Variants in SEC22B observed in about 807,000 individuals in gnomAD.
The protein encoded by SEC22B is vesicle-trafficking protein SEC22b.
In SEC22B, 10 loss-of-function variants were observed where a neutral mutation model predicts 31.4. That is an observed-to-expected ratio of 0.32 (90% CI 0.20 to 0.54). SEC22B has a LOEUF of 0.54. SEC22B is among the 20% of genes least tolerant of loss of function. The pLI, the probability that SEC22B is intolerant of heterozygous loss-of-function variation, is 0.94. For missense variants in SEC22B, 130 were observed against 263.4 expected, an observed-to-expected ratio of 0.49 and a Z score of 3.50; for synonymous variants, 60 against 95.9, an observed-to-expected ratio of 0.63 and a Z score of 2.19.
rs1553229090 is a variant in SEC22B, at chr1:120,154,211, C to A, written c.*2827G>T. On this transcript the variant is annotated 3_prime_UTR_variant, in exon 5 of 5. Coordinates refer to ENST00000578049, the MANE Select transcript of SEC22B (RefSeq NM_004892.6). ...ACATTCTTTGGTATTTATTTGACCT[C>A]TTGGTGGTAATATAGCGTAAGAGCA... is the stretch of plus-strand genomic sequence containing the variant. 2 of 152,020 alleles carry A rather than the reference C, an allele frequency of 1.3e-5. No homozygotes were observed. The highest frequency in any genetic ancestry group is 2.1e-4 in the South Asian group (1 of 4,816). 9.4% of individuals were successfully genotyped at this position (152,020 alleles called of 1,614,324 possible).
chr1:120,162,991 C>T (rs1238073140), intron 3 of SEC22B, among the ~76,000 whole-genome samples: 1 of 152,010 alleles, frequency 6.6e-6, no homozygotes, highest in Non-Finnish European at 1.5e-5. Context: ...GCAACAATTT[C>T]TATGGGGGAA....
chr1:120,160,909 A>C (rs1487618503), intron 3 of SEC22B, among the ~76,000 whole-genome samples: 1 of 140,174 alleles, frequency 7.1e-6, no homozygotes, highest in Admixed American at 6.9e-5. Context: ...AAAAAAAAAA[A>C]ACCAAAACAG....
At chr1:120,176,178 C>T (rs1657958070) in intron 1 of SEC22B, 129 bp downstream of exon 1, 1 of 733,930 alleles carries the variant, frequency 1.4e-6, no homozygotes, top group Non-Finnish European at 2.3e-6. Context: ...AAGATAAAAG[C>T]GCACTTCAGA....
intron 2 of SEC22B, among the ~76,000 whole-genome samples, chr1:120,164,639 A>G (rs1465316679): frequency 1.3e-5 from 2 of 152,362 alleles, no homozygotes; most frequent in African/African-American, 2.4e-5. Context: ...CATACTGTAT[A>G]TATACTACAT....
At chr1:120,165,112 TACTTAAG>T (rs1283881346) in intron 2 of SEC22B, among the ~76,000 whole-genome samples, 1 of 152,242 alleles carries the variant, frequency 6.6e-6, no homozygotes, top group Admixed American at 6.5e-5. Context: ...TTTTGCTTAA[TACTTAAG>T]ACTTTTTCTT....
intron 3 of SEC22B, among the ~76,000 whole-genome samples, chr1:120,161,164 C>G (rs1444199557): frequency 1.3e-5 from 2 of 152,070 alleles, no homozygotes; most frequent in African/African-American, 4.8e-5. Context: ...AATTTTCAAA[C>G]AGTATTCTGA....
At chr1:120,167,645 A>C (rs1467801683) in intron 2 of SEC22B, among the ~76,000 whole-genome samples, 10 of 151,900 alleles carry the variant, frequency 6.6e-5, no homozygotes, top group Non-Finnish European at 1.3e-4. Flanking sequence ...GTTTGAGTAT[A>C]TGTCTCTCTC....
At chr1:120,163,470 T>A (rs1254823429) in intron 2 of SEC22B, 100 bp from the exon 3 acceptor site, 1 of 745,020 alleles carries the variant, frequency 1.3e-6, no homozygotes, top group Non-Finnish European at 1.8e-6. Flanking sequence ...TTTTAAAAAA[T>A]CTAGCCTAAA....
In SEC22B at chr1:120,176,518, G is replaced by C; in HGVS notation, c.-137C>G. The C allele has an allele frequency of 1.3e-6, 1 of 776,650 alleles. No homozygotes were observed. The allele number at this position is 776,650 out of a possible 1,614,324, so 48.1% of individuals were successfully genotyped here. A position where few individuals can be genotyped will look rare whatever the true frequency, so the allele number is the denominator to read the frequency against. ...TGCTTGCGTCTCCGCTTCCCGCTGA[G>C]GTGGCCGGAAACAGCGCAAGAGCTT... is the stretch of plus-strand genomic sequence containing the variant. On this transcript the variant is annotated 5_prime_UTR_variant, in exon 1 of 5. Transcript: ENST00000578049.
rs1353925966 is a variant in SEC22B at position 120,153,262 on chromosome 1, AACCAAACAAAAGAAAAACCC to A, written c.*3756_*3775del. ...CTGGGAAAAAACCAACCAACCAACCAACCAAACAAAAGAAAAACCCACCAGGTAGGAGTCAGTTAGTTCTG... is the reference window on the plus strand; with the variant it reads ...CTGGGAAAAAACCAACCAACCAACCAACCAGGTAGGAGTCAGTTAGTTCTG... On this transcript the variant is annotated 3_prime_UTR_variant, in exon 5 of 5. Transcript: ENST00000578049. 2 of 143,798 alleles carry A rather than the reference AACCAAACAAAAGAAAAACCC, an allele frequency of 1.4e-5. No individual in the cohort carries two copies. The highest frequency in any genetic ancestry group is 3.0e-5 in the Non-Finnish European group (2 of 67,538). The allele number at this position is 143,798 out of a possible 1,614,324, so 8.9% of individuals were successfully genotyped here. A position where few individuals can be genotyped will look rare whatever the true frequency, so the allele number is the denominator to read the frequency against.
intron 4 of SEC22B, among the ~76,000 whole-genome samples, chr1:120,159,683 TG>T (rs1657683297): frequency 1.3e-5 from 2 of 152,068 alleles, no homozygotes; most frequent in African/African-American, 2.4e-5. Context: ...AAGAGATTAA[TG>T]TGATACAGGC....
intron 2 of SEC22B, 122 bp from the exon 3 acceptor site, chr1:120,163,492 T>C: frequency 2.1e-6 from 1 of 486,754 alleles, no homozygotes; most frequent in East Asian, 3.8e-5. Context: ...ACTTTGAGGC[T>C]GGCTAAACGA....
At chr1:120,170,334 TCTAA>T in intron 1 of SEC22B, among the ~76,000 whole-genome samples, 1 of 142,768 alleles carries the variant, frequency 7.0e-6, no homozygotes, top group African/African-American at 2.9e-5. Flanking sequence ...GGATCTGAGG[TCTAA>T]CTTTGATAAA....
intron 2 of SEC22B, among the ~76,000 whole-genome samples, chr1:120,163,858 G>A (rs1657759561): frequency 6.6e-6 from 1 of 151,166 alleles, no homozygotes; most frequent in African/African-American, 2.4e-5. Context: ...GATTACAGGC[G>A]TGAGCCACTG....
At chr1:120,170,527 A>G (rs1198101015) in intron 1 of SEC22B, among the ~76,000 whole-genome samples, 9 of 151,848 alleles carry the variant, frequency 5.9e-5, no homozygotes, top group Admixed American at 5.2e-4. Context: ...AAGAAGGTGA[A>G]TAAGCATGAG....
At chr1:120,162,075 C>A (rs1327622497) in intron 3 of SEC22B, among the ~76,000 whole-genome samples, 1 of 137,872 alleles carries the variant, frequency 7.3e-6, no homozygotes, top group Non-Finnish European at 1.5e-5. Context: ...GGAAGTATCC[C>A]TCTACCAAAA....
intron 1 of SEC22B, among the ~76,000 whole-genome samples, chr1:120,174,195 C>T (rs1185007326): frequency 6.6e-6 from 1 of 152,172 alleles, no homozygotes; most frequent in Non-Finnish European, 1.5e-5. Context: ...AGCCTCAGAG[C>T]TTCCTTATCT....
chr1:120,151,942 G>A lies in SEC22B; in HGVS notation c.*5096C>T, dbSNP rs1285711447. The A allele has an allele frequency of 2.0e-5, 3 of 152,158 alleles. No individual in the cohort carries two copies. Among genetic ancestry groups the A allele is most frequent in the African/African-American group, 7.2e-5 (3 of 41,400 alleles). 9.4% of individuals were successfully genotyped at this position (152,158 alleles called of 1,614,324 possible). ...TAGCTCAGGTAAAGGGGTGGCAGGTGACGCTTAAATACTAGAAATATAAGA... is the reference window on the plus strand; with the variant it reads ...TAGCTCAGGTAAAGGGGTGGCAGGTAACGCTTAAATACTAGAAATATAAGA... On this transcript the variant is annotated 3_prime_UTR_variant, in exon 5 of 5. Coordinates refer to ENST00000578049, the MANE Select transcript of SEC22B (RefSeq NM_004892.6).
In SEC22B at chr1:120,176,468, A is replaced by ATG. The variant is rs1419699891; in HGVS notation, c.-89_-88dup. On this transcript the variant is annotated 5_prime_UTR_variant, in exon 1 of 5. Transcript: ENST00000578049. ...TCCGCCGCGACAACAGTTATACCCT[A>ATG]TGTCTCAGTTACCGGAGATCCAGCT... 1 of 1,181,252 alleles carries ATG rather than the reference A, an allele frequency of 8.5e-7. No homozygotes were observed. The highest frequency in any genetic ancestry group is 2.6e-5 in the East Asian group (1 of 39,058). 73.2% of individuals were successfully genotyped at this position (1,181,252 alleles called of 1,614,324 possible).
Sources: gnomAD v4.1 joint callset for allele counts (sites outside exome capture counted in the v4.1 genomes callset) on GRCh38, gnomAD v4.1.1 for gene constraint, MANE v1.5 for transcripts, NCBI Gene and HGNC (gene_info 2026-07-23, HGNC 2026-07-21) for gene names.